The following PDE11A variants were observed in gnomAD, a reference collection of about 807,000 sequenced individuals.
The protein encoded by PDE11A is dual 3',5'-cyclic-AMP and -GMP phosphodiesterase 11A.
In PDE11A, 100 loss-of-function variants were observed where a neutral mutation model predicts 100.5. The ratio of observed to expected loss-of-function variants is 1.00; its 90% CI spans 0.85 to 1.18. The LOEUF is 1.18. Ranked by LOEUF, PDE11A falls within the 50% of genes most tolerant of loss-of-function variation. PDE11A has a pLI of 0.00. For synonymous variants in PDE11A, 381 were observed against 420.8 expected, an observed-to-expected ratio of 0.91 and a Z score of 1.16; for missense variants, 1,141 against 1,152.6, an observed-to-expected ratio of 0.99 and a Z score of 0.15.
intron 10 of PDE11A, among the ~76,000 whole-genome samples, chr2:177,764,942 T>C (rs565400885): frequency 6.6e-6 from 1 of 152,332 alleles, no homozygotes; most frequent in South Asian, 2.1e-4. Context: ...AGAAAGACTG[T>C]TTCTTGAAGT....
At chr2:177,806,368 T>G (rs1037911775) in intron 9 of PDE11A, among the ~76,000 whole-genome samples, 2 of 152,136 alleles carry the variant, frequency 1.3e-5, no homozygotes, top group African/African-American at 4.8e-5. Context: ...GAAATCTTCA[T>G]AATCTCTTTT....
chr2:177,851,849 G>T (rs966808134), intron 5 of PDE11A, among the ~76,000 whole-genome samples: 1 of 152,022 alleles, frequency 6.6e-6, no homozygotes, highest in Non-Finnish European at 1.5e-5. Context: ...CATCACCCAG[G>T]TATTAAGCCC....
At chr2:177,986,676 G>A (rs1351486644) in intron 2 of PDE11A, among the ~76,000 whole-genome samples, 1 of 151,660 alleles carries the variant, frequency 6.6e-6, no homozygotes, top group Non-Finnish European at 1.5e-5. Context: ...CTAAAAATAC[G>A]AAAAATTAGC....
At chr2:177,891,367 T>C (rs570958755) in intron 4 of PDE11A, among the ~76,000 whole-genome samples, 8 of 152,312 alleles carry the variant, frequency 5.3e-5, no homozygotes, top group Admixed American at 4.6e-4. Context: ...ATATCAGTAA[T>C]GAGAAAGTCA....
At chr2:178,043,167 G>A (rs556253451) in intron 1 of PDE11A, among the ~76,000 whole-genome samples, 3 of 152,178 alleles carry the variant, frequency 2.0e-5, no homozygotes, top group East Asian at 1.9e-4. Context: ...TTGTGAAATG[G>A]AACTTAAGGA....
intron 6 of PDE11A, among the ~76,000 whole-genome samples, chr2:177,839,904 C>G (rs2083462024): frequency 2.0e-5 from 3 of 152,202 alleles, no homozygotes; most frequent in South Asian, 2.1e-4. Flanking sequence ...ATAATGCCAA[C>G]CAATTTACTG....
chr2:177,740,871 A>G (rs944866036), intron 10 of PDE11A, among the ~76,000 whole-genome samples: 15 of 152,240 alleles, frequency 9.9e-5, no homozygotes, highest in African/African-American at 3.6e-4. Context: ...TCTCATGGCA[A>G]GTAATTAATA....
At chr2:177,911,747 G>A (rs1223034912) in intron 2 of PDE11A, among the ~76,000 whole-genome samples, 2 of 152,030 alleles carry the variant, frequency 1.3e-5, no homozygotes, top group African/African-American at 2.4e-5. Context: ...AGCTGGCCGT[G>A]GTGGTGTGCA....
At chr2:177,784,571 C>A (rs962061497) in intron 9 of PDE11A, among the ~76,000 whole-genome samples, 5 of 152,170 alleles carry the variant, frequency 3.3e-5, no homozygotes, top group African/African-American at 1.2e-4. Flanking sequence ...TATGGGGTAG[C>A]CACCCTTTTA....
intron 10 of PDE11A, among the ~76,000 whole-genome samples, chr2:177,734,051 T>C (rs1015082256): frequency 6.6e-6 from 1 of 152,234 alleles, no homozygotes; most frequent in Non-Finnish European, 1.5e-5. Context: ...TCCCCCTTTC[T>C]GTATTATGCA....
chr2:177,917,021 C>T (rs1295554959), intron 2 of PDE11A, among the ~76,000 whole-genome samples: 1 of 150,544 alleles, frequency 6.6e-6, no homozygotes, highest in East Asian at 2.0e-4. Flanking sequence ...CGTGATCCAC[C>T]CGCCTCAGCC....
chr2:177,878,652 A>T (rs1314990460), intron 4 of PDE11A, among the ~76,000 whole-genome samples: 2 of 152,152 alleles, frequency 1.3e-5, no homozygotes, highest in Admixed American at 6.5e-5. Flanking sequence ...ATTGACAGCA[A>T]ATTAAGGCTT....
intron 15 of PDE11A, among the ~76,000 whole-genome samples, chr2:177,682,027 T>C (rs775908228): frequency 1.3e-5 from 2 of 152,192 alleles, no homozygotes; most frequent in Admixed American, 6.5e-5. Flanking sequence ...AAGTAAGAGC[T>C]TGGCACCTTT....
chr2:177,887,291 G>A (rs2105713200), intron 4 of PDE11A, among the ~76,000 whole-genome samples: 1 of 152,048 alleles, frequency 6.6e-6, no homozygotes. Context: ...TACATAATTG[G>A]ACAAAAAATA....
chr2:178,032,582 G>A (rs2086562706), intron 1 of PDE11A, among the ~76,000 whole-genome samples: 1 of 152,052 alleles, frequency 6.6e-6, no homozygotes. Context: ...GTGGGTCCCT[G>A]ACCCCTGTGC....
chr2:178,026,041 G>A (rs2086473975), intron 1 of PDE11A, among the ~76,000 whole-genome samples: 1 of 152,176 alleles, frequency 6.6e-6, no homozygotes, highest in Non-Finnish European at 1.5e-5. Flanking sequence ...GAAAAGCCAG[G>A]TCCAGGTCAG....
chr2:177,982,195 T>C (rs963146492), intron 2 of PDE11A, among the ~76,000 whole-genome samples: 1 of 150,932 alleles, frequency 6.6e-6, no homozygotes, highest in South Asian at 2.1e-4. Flanking sequence ...AATTTCTTTT[T>C]TTCTCCTTAA....
chr2:177,657,286 AAACCAGTGCATTTTCCATTCTGTTTG>A (rs1378357990), intron 19 of PDE11A, among the ~76,000 whole-genome samples: 1 of 152,216 alleles, frequency 6.6e-6, no homozygotes, highest in African/African-American at 2.4e-5. Flanking sequence ...TGAGAATGGT[AAACCAGTGCATTTTCCATTCTGTTTG>A]AATGGTGATG....
In PDE11A at chr2:177,629,206, CCTGCCCCA is replaced by C. The variant is rs2079878865; in HGVS notation, c.*193_*200del. 1 of 627,048 alleles carries C rather than the reference CCTGCCCCA, an allele frequency of 1.6e-6. No individual in the cohort carries two copies. Among genetic ancestry groups the C allele is most frequent in the African/African-American group, 1.8e-5 (1 of 55,238 alleles). 38.8% of individuals were successfully genotyped at this position (627,048 alleles called of 1,614,324 possible). On this transcript the variant is annotated 3_prime_UTR_variant, in exon 20 of 20. Transcript: ENST00000286063. ...AAAGTGAGGGTCCTGGGGTGTGCTC[CCTGCCCCA>C]CCTCTTTCTTTGTCCTTCCCGTTGC...
Sources: allele counts gnomAD v4.1 joint callset (sites outside exome capture counted in the v4.1 genomes callset), GRCh38; gene constraint gnomAD v4.1.1; transcripts MANE v1.5; gene names NCBI Gene and HGNC (gene_info 2026-07-23, HGNC 2026-07-21).